The following FSTL4 variants were observed in gnomAD, a reference collection of about 807,000 sequenced individuals.
The protein encoded by FSTL4 is follistatin like 4.
In FSTL4, 28 loss-of-function variants were observed where a neutral mutation model predicts 78.2. That is an observed-to-expected ratio of 0.36 (90% CI 0.27 to 0.49). FSTL4 has a LOEUF of 0.49. FSTL4 is among the 20% of genes least tolerant of loss of function. FSTL4 has a pLI of 0.98. For missense variants in FSTL4, 922 were observed against 1,084.9 expected (o/e 0.85, Z 2.11); for synonymous variants, 422 against 440.5 (o/e 0.96, Z 0.53).
At chr5:133,712,098 G>A in the FSTL4 span, among the ~76,000 whole-genome samples, 2 of 152,172 alleles carry the variant, frequency 1.3e-5, no homozygotes, top group Non-Finnish European at 2.9e-5. Context: ...ACAACCAGAA[G>A]GATGAGCTAT....
intron 3 of FSTL4, among the ~76,000 whole-genome samples, chr5:133,468,108 C>T (rs771841421): frequency 6.6e-6 from 1 of 152,172 alleles, no homozygotes; most frequent in Non-Finnish European, 1.5e-5. Context: ...ACTTGGTAGC[C>T]TGTTTGTAGC....
the FSTL4 span, among the ~76,000 whole-genome samples, chr5:133,761,961 G>A: frequency 6.6e-6 from 1 of 152,066 alleles, no homozygotes; most frequent in Non-Finnish European, 1.5e-5. Context: ...GAGCCTTTGT[G>A]GAAACATCTG....
rs116629743 is a variant in FSTL4, at chr5:133,470,846, A to G, written c.161-69860T>C. Among the ~76,000 whole-genome samples the G allele has an allele frequency of 6.7e-3, 1,023 of 151,844 alleles. 5 individuals are homozygous for G. The highest frequency in any genetic ancestry group is 0.018 in the South Asian group (87 of 4,828). ...CATGAGTCTTGAAACAAAAAGTTCAATACTCAGATCAGATGATAAAGCCAA... is the reference window on the plus strand; with the variant it reads ...CATGAGTCTTGAAACAAAAAGTTCAGTACTCAGATCAGATGATAAAGCCAA... On this transcript the variant is annotated intron_variant, in intron 3 of 15. Coordinates refer to ENST00000265342, the MANE Select transcript of FSTL4 (RefSeq NM_015082.2).
chr5:133,489,626 T>G (rs920321621), intron 3 of FSTL4, among the ~76,000 whole-genome samples: 1 of 152,114 alleles, frequency 6.6e-6, no homozygotes, highest in Non-Finnish European at 1.5e-5. Flanking sequence ...CCAGTTCTGG[T>G]GGAGGAAAGT....
chr5:133,762,080 C>G, the FSTL4 span, among the ~76,000 whole-genome samples: 1 of 152,198 alleles, frequency 6.6e-6, no homozygotes, highest in East Asian at 1.9e-4. Context: ...AGATAATTGA[C>G]TCTGGGAGGC....
At chr5:133,243,569 G>T (rs1751943788) in intron 7 of FSTL4, among the ~76,000 whole-genome samples, 1 of 152,216 alleles carries the variant, frequency 6.6e-6, no homozygotes, top group African/African-American at 2.4e-5. Context: ...TAGATATTAT[G>T]TCCCACAAGC....
intron 4 of FSTL4, among the ~76,000 whole-genome samples, chr5:133,399,589 G>T (rs552144006): frequency 6.6e-6 from 1 of 152,342 alleles, no homozygotes; most frequent in South Asian, 2.1e-4. Context: ...GCTCAGGTGT[G>T]TCAGCATCAT....
chr5:133,567,179 T>C lies in FSTL4; in HGVS notation c.160+7A>G. 6.3e-7 allele frequency: 1 copy of C among 1,598,898 alleles called. No homozygotes were observed. Among genetic ancestry groups the C allele is most frequent in the Non-Finnish European group, 8.6e-7 (1 of 1,166,172 alleles). On this transcript the variant is annotated splice_region_variant and intron_variant, in intron 3 of 15. Coordinates refer to ENST00000265342, the MANE Select transcript of FSTL4 (RefSeq NM_015082.2). ...AAATAAAATGGGTATGAGTGCATTT[T>C]TCCTACCTTCTCTTCTTGTGACTTC... is the stretch of plus-strand genomic sequence containing the variant.
chr5:133,426,923 C>A lies in FSTL4; in HGVS notation c.161-25937G>T, dbSNP rs1004254432. Among the ~76,000 whole-genome samples, 6 of 152,172 alleles carry A rather than the reference C, an allele frequency of 3.9e-5. No individual in the cohort carries two copies. The highest frequency in any genetic ancestry group is 7.3e-5 in the Non-Finnish European group (5 of 68,032). On this transcript the variant is annotated intron_variant, in intron 3 of 15. Coordinates refer to ENST00000265342, the MANE Select transcript of FSTL4 (RefSeq NM_015082.2). The surrounding 1 kb of genome is among the most constrained non-coding windows in gnomAD (Gnocchi z 5.0). ...GGTTCTAAAACAACCTAAATCTCAG[C>A]ATGTCTTATGTTCTCAGTGTTCCGT...
At chr5:133,675,067 A>T in the FSTL4 span, among the ~76,000 whole-genome samples, 1 of 152,114 alleles carries the variant, frequency 6.6e-6, no homozygotes, top group East Asian at 1.9e-4. Flanking sequence ...TAAGAAAATA[A>T]TCTATAAAAC....
chr5:133,525,050 A>T (rs1172362599), intron 3 of FSTL4, among the ~76,000 whole-genome samples: 25 of 152,208 alleles, frequency 1.6e-4, no homozygotes, highest in Non-Finnish European at 3.5e-4. Context: ...TGTTACATGG[A>T]GTCTTCCCAG....
chr5:133,624,487 G>T, the FSTL4 span, among the ~76,000 whole-genome samples: 8 of 151,966 alleles, frequency 5.3e-5, 1 homozygote, highest in Admixed American at 5.2e-4. Context: ...TTGGGGTAAT[G>T]AAAACGTTTT....
At chr5:133,718,905 A>G in the FSTL4 span, among the ~76,000 whole-genome samples, 50 of 152,380 alleles carry the variant, frequency 3.3e-4, no homozygotes, top group African/African-American at 1.1e-3. Flanking sequence ...TTAATTGCTA[A>G]ATGTAAAGAA....
rs532882148 is a variant in FSTL4, at chr5:133,467,258, G to C, written c.161-66272C>G. 8.1e-3 allele frequency among the ~76,000 whole-genome samples: 676 copies of C among 83,768 alleles called. 1 individual carries two copies. The highest frequency in any genetic ancestry group is 0.011 in the Non-Finnish European group (515 of 45,160). The allele number at this position is 83,768 out of a possible 152,430, so 55.0% of individuals were successfully genotyped here. On this transcript the variant is annotated intron_variant, in intron 3 of 15. Transcript: ENST00000265342. Reference sequence around the variant, plus strand: ...CATGTGTGAGAATGAGTATATGTGAGTGTGTGTGTGTGTGTGTGTGTGTGA... The same window carrying C: ...CATGTGTGAGAATGAGTATATGTGACTGTGTGTGTGTGTGTGTGTGTGTGA...
chr5:133,621,328 A>C, the FSTL4 span, among the ~76,000 whole-genome samples: 1 of 152,214 alleles, frequency 6.6e-6, no homozygotes, highest in Admixed American at 6.5e-5. Flanking sequence ...TGAACCCGGG[A>C]GGTGGAGCTT....
At chr5:133,346,343 G>C (rs1400059788) in intron 4 of FSTL4, among the ~76,000 whole-genome samples, 1 of 152,052 alleles carries the variant, frequency 6.6e-6, no homozygotes, top group Non-Finnish European at 1.5e-5. Context: ...AAACCACCAT[G>C]GCACATGTAC....
At chr5:133,280,631 G>A (rs1233310350) in intron 6 of FSTL4, among the ~76,000 whole-genome samples, 2 of 152,146 alleles carry the variant, frequency 1.3e-5, no homozygotes, top group African/African-American at 4.8e-5. Flanking sequence ...TGCTCCTGGT[G>A]TTTTGCCAGG....
intron 3 of FSTL4, among the ~76,000 whole-genome samples, chr5:133,504,177 G>A (rs551988969): frequency 2.4e-4 from 37 of 152,064 alleles, no homozygotes; most frequent in African/African-American, 4.3e-4. Context: ...CAGCCAAACC[G>A]TATCAATCAT....
intron 2 of FSTL4, among the ~76,000 whole-genome samples, chr5:133,578,976 C>T (rs1256423801): frequency 6.6e-6 from 1 of 151,718 alleles, no homozygotes. Context: ...GAGCAATCAC[C>T]ACGTCCAAGA....
Sources: allele counts gnomAD v4.1 joint callset (sites outside exome capture counted in the v4.1 genomes callset), GRCh38; gene constraint gnomAD v4.1.1; non-coding constraint Gnocchi (gnomAD v3.1); transcripts MANE v1.5; gene names NCBI Gene and HGNC (gene_info 2026-07-23, HGNC 2026-07-21).